Variants in RAD51B observed in about 807,000 individuals in gnomAD.
RAD51B encodes the protein DNA repair protein RAD51 homolog 2.
RAD51B carries 38 observed loss-of-function variants against 42.2 expected under a neutral mutation model. The ratio of observed to expected loss-of-function variants is 0.90; its 90% CI spans 0.70 to 1.18. RAD51B has a LOEUF of 1.18. RAD51B is among the 50% of genes most tolerant of loss of function. The probability of loss-of-function intolerance (pLI) is 0.00; values close to 1 mark genes in which losing one functional copy is unlikely to be tolerated. For missense variants in RAD51B, 373 were observed against 400.7 expected (o/e 0.93, Z 0.59); for synonymous variants, 154 against 145.2 (o/e 1.06, Z -0.43).
At chr14:68,150,994 C>T (rs1217354074) in intron 7 of RAD51B, among the ~76,000 whole-genome samples, 3 of 151,456 alleles carry the variant, frequency 2.0e-5, no homozygotes, top group Admixed American at 6.6e-5. Flanking sequence ...TATATATTAC[C>T]CAGTGGTTAC....
intron 7 of RAD51B, among the ~76,000 whole-genome samples, chr14:68,245,651 C>T (rs904454479): frequency 1.3e-5 from 2 of 152,180 alleles, no homozygotes; most frequent in South Asian, 2.1e-4. Flanking sequence ...TGACTTTAGA[C>T]GCATATCCCT....
At chr14:68,293,399 C>G (rs1566789748) in intron 8 of RAD51B, among the ~76,000 whole-genome samples, 1 of 152,120 alleles carries the variant, frequency 6.6e-6, no homozygotes, top group Non-Finnish European at 1.5e-5. Context: ...AATCAGGTGG[C>G]TTGTTTTTTT....
In RAD51B at chr14:68,003,486, C is replaced by T. The variant is rs918182676; in HGVS notation, c.756+116282C>T. ...GCAAACAAAGATAGTTTGACTTCCT[C>T]TCTTCCTATTCGAATATCCTTTATT... On this transcript the variant is annotated intron_variant, in intron 7 of 10. Coordinates refer to ENST00000471583, the MANE Select transcript of RAD51B (RefSeq NM_133510.4). Among the ~76,000 whole-genome samples, 11 of 152,194 alleles carry T rather than the reference C, an allele frequency of 7.2e-5. No homozygotes were observed. In the East Asian group the frequency reaches 2.1e-3, roughly 29 times the overall value.
intron 7 of RAD51B, among the ~76,000 whole-genome samples, chr14:68,006,613 C>G (rs2075596299): frequency 6.6e-6 from 1 of 151,960 alleles, no homozygotes. Context: ...TCTTGGAAAT[C>G]CTTGCATTTC....
chr14:68,605,556 C>G (rs1046347648), intron 10 of RAD51B, among the ~76,000 whole-genome samples: 1 of 152,232 alleles, frequency 6.6e-6, no homozygotes, highest in Non-Finnish European at 1.5e-5. Context: ...CTTTCTACAG[C>G]CTGTCCCAGG....
intron 7 of RAD51B, among the ~76,000 whole-genome samples, chr14:67,961,993 A>G (rs1268592128): frequency 2.0e-5 from 3 of 152,212 alleles, no homozygotes; most frequent in African/African-American, 7.2e-5. Flanking sequence ...TACAAATAAC[A>G]TCTTAAAATG....
chr14:68,380,749 T>C (rs1276370447), intron 8 of RAD51B, among the ~76,000 whole-genome samples: 4 of 152,250 alleles, frequency 2.6e-5, no homozygotes, highest in Non-Finnish European at 5.9e-5. Context: ...TGTTGCAATC[T>C]TAGGGTTCTC....
chr14:68,005,852 C>G (rs906329116), intron 7 of RAD51B, among the ~76,000 whole-genome samples: 4 of 152,142 alleles, frequency 2.6e-5, no homozygotes, highest in African/African-American at 7.2e-5. Context: ...ATAACGGCTT[C>G]TGGGGAGGCC....
At position 67,928,891 on chromosome 14, in the gene RAD51B, G is replaced by C. The variant is rs2140152047; in HGVS notation, c.756+41687G>C. Among the ~76,000 whole-genome samples, 3 of 151,520 alleles carry C rather than the reference G, an allele frequency of 2.0e-5. No individual in the cohort carries two copies. In the South Asian group the frequency reaches 6.2e-4, roughly 31 times the overall value. ...CCATTTTCTCTAGGTTTTTCACTTTGCTAGCATATAATTCATAATAGTCTC... is the reference window on the plus strand; with the variant it reads ...CCATTTTCTCTAGGTTTTTCACTTTCCTAGCATATAATTCATAATAGTCTC... On this transcript the variant is annotated intron_variant, in intron 7 of 10. Transcript: ENST00000471583.
At chr14:68,366,097 T>C (rs8015516) in intron 8 of RAD51B, among the ~76,000 whole-genome samples, 121,733 of 152,188 alleles carry the variant, frequency 0.8, 48,906 homozygotes, top group East Asian at 0.99. Context: ...CTAAGATTAA[T>C]TCTTCCCTTA....
At chr14:68,203,460 G>A (rs576818499) in intron 7 of RAD51B, among the ~76,000 whole-genome samples, 8 of 152,192 alleles carry the variant, frequency 5.3e-5, no homozygotes, top group African/African-American at 9.6e-5. Context: ...AGACTTTGTC[G>A]TTCCACTTCT....
chr14:68,075,791 A>G (rs1251059762), intron 7 of RAD51B, among the ~76,000 whole-genome samples: 2 of 152,204 alleles, frequency 1.3e-5, no homozygotes, highest in Admixed American at 1.3e-4. Flanking sequence ...CTCACAGGGA[A>G]GGGAGACTGG....
At chr14:68,109,505 A>G (rs762802612) in intron 7 of RAD51B, among the ~76,000 whole-genome samples, 1 of 152,100 alleles carries the variant, frequency 6.6e-6, no homozygotes, top group African/African-American at 2.4e-5. Flanking sequence ...TAGAAAGAGA[A>G]GATAAAATCT....
intron 7 of RAD51B, among the ~76,000 whole-genome samples, chr14:68,124,723 G>C (rs758035983): frequency 7.5e-4 from 114 of 152,128 alleles, no homozygotes; most frequent in Non-Finnish European, 1.4e-3. Flanking sequence ...GGAGGCCAAG[G>C]GGGGCGGATC....
chr14:68,142,302 C>T (rs147348902), intron 7 of RAD51B, among the ~76,000 whole-genome samples: 2 of 152,262 alleles, frequency 1.3e-5, no homozygotes, highest in East Asian at 1.9e-4. Context: ...TCTCAAACTC[C>T]TTTTCAGAGT....
rs137869330 is a variant in RAD51B at position 68,564,818 on chromosome 14, C to T, written c.1037-29667C>T. Among the ~76,000 whole-genome samples, 436 of 152,274 alleles carry T rather than the reference C, an allele frequency of 2.9e-3. 3 individuals carry two copies. The highest frequency in any genetic ancestry group is 4.0e-3 in the Non-Finnish European group (274 of 68,026). On this transcript the variant is annotated intron_variant, in intron 10 of 10. Transcript: ENST00000487270. ...GCATCTCCCACTGAAAGAGCCGGGT[C>T]GCAGAGACACACTCAACAAGTGCCA...
intron 10 of RAD51B, among the ~76,000 whole-genome samples, chr14:68,512,432 G>A (rs911375676): frequency 2.0e-5 from 3 of 152,216 alleles, no homozygotes; most frequent in Non-Finnish European, 2.9e-5. Context: ...CAGAGAACTT[G>A]GCACTGAGTT....
chr14:68,535,821 C>T lies in RAD51B; in HGVS notation c.1037-58664C>T, dbSNP rs1887585188. On this transcript the variant is annotated intron_variant, in intron 10 of 10. Transcript: ENST00000487270. ...CCTAACTCTCAGTGAGATACATGCTCACTAGGGTCAGGCACATGAAAGGTC... is the reference window on the plus strand; with the variant it reads ...CCTAACTCTCAGTGAGATACATGCTTACTAGGGTCAGGCACATGAAAGGTC... Among the ~76,000 whole-genome samples the T allele has an allele frequency of 2.0e-5, 3 of 152,270 alleles. No homozygotes were observed. The South Asian group carries it at 6.2e-4, about 32-fold the overall frequency.
chr14:68,644,411 C>T (rs1187833368), intron 10 of RAD51B, among the ~76,000 whole-genome samples: 3 of 152,156 alleles, frequency 2.0e-5, no homozygotes, highest in African/African-American at 7.2e-5. Context: ...TCTGAGGGAC[C>T]CTGGAATCCA....
Sources: gnomAD v4.1 joint callset for allele counts (sites outside exome capture counted in the v4.1 genomes callset) on GRCh38, gnomAD v4.1.1 for gene constraint, MANE v1.5 for transcripts, NCBI Gene and HGNC (gene_info 2026-07-23, HGNC 2026-07-21) for gene names.